The following MDGA2 variants were observed in gnomAD, a reference collection of about 807,000 sequenced individuals.
MDGA2 encodes the protein MAM domain containing glycosylphosphatidylinositol anchor 2.
MDGA2 carries 40 observed loss-of-function variants against 117.8 expected under a neutral mutation model. That is an observed-to-expected ratio of 0.34 (90% confidence interval 0.26 to 0.44). The LOEUF (loss-of-function observed/expected upper bound fraction) is 0.44, where lower values mean the gene tolerates loss of function less well. Ranked by LOEUF, MDGA2 falls within the 20% of genes least tolerant of loss-of-function variation. The probability of loss-of-function intolerance (pLI) is 1.00; values close to 1 mark genes in which losing one functional copy is unlikely to be tolerated. For synonymous variants in MDGA2, 452 were observed against 439.0 expected, an observed-to-expected ratio of 1.03 and a Z score of -0.37; for missense variants, 1,123 against 1,250.6, an observed-to-expected ratio of 0.90 and a Z score of 1.54.
intron 7 of MDGA2, among the ~76,000 whole-genome samples, chr14:47,052,219 A>G (rs79886907): frequency 0.011 from 1,686 of 152,002 alleles, 30 homozygotes; most frequent in African/African-American, 0.039. Context: ...CATTGCTTGC[A>G]TTAGAAAAGA....
chr14:46,877,011 T>G (rs1027727531), intron 12 of MDGA2, among the ~76,000 whole-genome samples: 2 of 151,562 alleles, frequency 1.3e-5, no homozygotes. Flanking sequence ...ATTCATAACC[T>G]AAATTAGACC....
chr14:47,414,424 T>C (rs1566774830), intron 1 of MDGA2, among the ~76,000 whole-genome samples: 1 of 152,184 alleles, frequency 6.6e-6, no homozygotes, highest in Non-Finnish European at 1.5e-5. Context: ...ATAGCTAGTA[T>C]ATGCCAAAGT....
intron 9 of MDGA2, among the ~76,000 whole-genome samples, chr14:46,956,418 T>C (rs1270085796): frequency 6.6e-6 from 1 of 152,042 alleles, no homozygotes; most frequent in Non-Finnish European, 1.5e-5. Context: ...TAAAACACAA[T>C]GACATAAAGA....
chr14:47,219,763 G>C (rs1445353281), intron 2 of MDGA2, among the ~76,000 whole-genome samples: 1 of 151,948 alleles, frequency 6.6e-6, no homozygotes, highest in Non-Finnish European at 1.5e-5. Flanking sequence ...GTATTATTAA[G>C]TTAAAAAAGA....
rs79758338 is a variant in MDGA2 at position 47,621,590 on chromosome 14, C to T, written c.280+52927G>A. Among the ~76,000 whole-genome samples, 30 of 152,274 alleles carry T rather than the reference C, an allele frequency of 2.0e-4. No homozygotes were observed. The East Asian group carries it at 5.8e-3, about 29-fold the overall frequency. On this transcript the variant is annotated intron_variant, in intron 1 of 16. Coordinates refer to ENST00000399232, the MANE Select transcript of MDGA2 (RefSeq NM_001113498.3). ...TCTTCATAAGTATAACACATCAAAACATGGGCATTAGGAGTGGCCATGTGA... is the reference window on the plus strand; with the variant it reads ...TCTTCATAAGTATAACACATCAAAATATGGGCATTAGGAGTGGCCATGTGA...
At chr14:47,184,733 C>A (rs369973796) in intron 3 of MDGA2, among the ~76,000 whole-genome samples, 1 of 151,402 alleles carries the variant, frequency 6.6e-6, no homozygotes, top group Admixed American at 6.6e-5. Flanking sequence ...GTAACAATAC[C>A]ATATTAAAAA....
chr14:47,011,631 T>C (rs1339251982), intron 8 of MDGA2, among the ~76,000 whole-genome samples: 1 of 152,008 alleles, frequency 6.6e-6, no homozygotes, highest in Non-Finnish European at 1.5e-5. Flanking sequence ...ATTTTTTAAT[T>C]TATTTAATGA....
At chr14:47,343,223 G>T in intron 1 of MDGA2, 1 of 1,137,762 alleles carries the variant, frequency 8.8e-7, no homozygotes, top group Non-Finnish European at 1.1e-6. Context: ...TTTTTTGTTT[G>T]TTTGTTTTTT....
intron 10 of MDGA2, among the ~76,000 whole-genome samples, chr14:46,909,687 T>A (rs924261799): frequency 1.3e-5 from 2 of 152,204 alleles, no homozygotes; most frequent in Admixed American, 6.5e-5. Flanking sequence ...AAACTATTTT[T>A]AAAAATTCTT....
intron 1 of MDGA2, among the ~76,000 whole-genome samples, chr14:47,402,793 C>G (rs1319073530): frequency 6.6e-6 from 1 of 152,138 alleles, no homozygotes. Context: ...CACACACACA[C>G]ACATTAACAT....
At chr14:47,425,839 T>C (rs1264168813) in intron 1 of MDGA2, among the ~76,000 whole-genome samples, 1 of 152,074 alleles carries the variant, frequency 6.6e-6, no homozygotes, top group Non-Finnish European at 1.5e-5. Flanking sequence ...AAGTCTTACA[T>C]AGCCACAGAA....
At chr14:47,478,411 C>G (rs755470695) in intron 1 of MDGA2, among the ~76,000 whole-genome samples, 6 of 152,172 alleles carry the variant, frequency 3.9e-5, no homozygotes, top group Non-Finnish European at 8.8e-5. Context: ...GGATCTCTCT[C>G]TGTCACCCAG....
At chr14:46,980,296 A>T (rs1886621735) in intron 8 of MDGA2, among the ~76,000 whole-genome samples, 1 of 152,168 alleles carries the variant, frequency 6.6e-6, no homozygotes. Context: ...ATAGCAAGAT[A>T]ACTAAAATTA....
chr14:47,386,461 C>T (rs915304739), intron 1 of MDGA2, among the ~76,000 whole-genome samples: 1 of 152,068 alleles, frequency 6.6e-6, no homozygotes, highest in Admixed American at 6.6e-5. Context: ...GCCACCACTC[C>T]TCAAAGACGT....
intron 1 of MDGA2, among the ~76,000 whole-genome samples, chr14:47,312,688 G>GTTTTTT (rs1186421912): frequency 4.8e-5 from 5 of 104,292 alleles, no homozygotes; most frequent in African/African-American, 1.2e-4. Context: ...TTTTTTTTTT[G>GTTTTTT]TTTTGTTTTG....
In MDGA2 at chr14:46,874,098, G is replaced by A; in HGVS notation, c.2540C>T (p.Thr847Ile). Reference sequence around the variant, plus strand: ...AGGTCCTGTATTAGGAGTATATTTTGTATTTCTTGTTGCTGTACTTTGCTT... The same window carrying A: ...AGGTCCTGTATTAGGAGTATATTTTATATTTCTTGTTGCTGTACTTTGCTT... ...WTKQSTATRN[T>I]KYTPNTGPNA... Residue 847 changes from threonine (T) to isoleucine (I), a missense_variant, in exon 13 of 17, where the codon ACA (threonine) becomes ATA (isoleucine). By Grantham distance (89) the Thr-to-Ile change is moderately conservative (BLOSUM62 -1). Transcript: ENST00000399232. 1 of 1,558,726 alleles carries A rather than the reference G, an allele frequency of 6.4e-7. No homozygotes were observed. The highest frequency in any genetic ancestry group is 8.7e-7 in the Non-Finnish European group (1 of 1,154,406).
intron 3 of MDGA2, among the ~76,000 whole-genome samples, chr14:47,215,675 T>G (rs1886060709): frequency 6.6e-6 from 1 of 152,132 alleles, no homozygotes; most frequent in Non-Finnish European, 1.5e-5. Flanking sequence ...GAAAGATCAT[T>G]GGTGCTAAAG....
chr14:47,365,229 T>C (rs1376546531), intron 1 of MDGA2, among the ~76,000 whole-genome samples: 1 of 152,238 alleles, frequency 6.6e-6, no homozygotes, highest in Non-Finnish European at 1.5e-5. Flanking sequence ...CCTTCTGGAT[T>C]AGAAGGAAGA....
At chr14:47,612,699 C>T (rs1896874769) in intron 1 of MDGA2, among the ~76,000 whole-genome samples, 1 of 152,096 alleles carries the variant, frequency 6.6e-6, no homozygotes, top group African/African-American at 2.4e-5. Context: ...GCTATCTATA[C>T]TTTGTTTTTT....
Sources: gnomAD v4.1 joint callset for allele counts (sites outside exome capture counted in the v4.1 genomes callset) on GRCh38, gnomAD v4.1.1 for gene constraint, MANE v1.5 for transcripts, NCBI Gene and HGNC (gene_info 2026-07-23, HGNC 2026-07-21) for gene names.